FOXJ3: variants seen among roughly 807,000 people sequenced by gnomAD.
FOXJ3 encodes the protein forkhead box protein J3.
In FOXJ3, 22 loss-of-function variants were observed where a neutral mutation model predicts 76.1. That is an observed-to-expected ratio of 0.29 (90% CI 0.21 to 0.41). The LOEUF is 0.41. Ranked by LOEUF, FOXJ3 falls within the 10% of genes least tolerant of loss-of-function variation. The pLI is 1.00. For missense variants in FOXJ3, 613 were observed against 762.1 expected, an observed-to-expected ratio of 0.80 and a Z score of 2.30; for synonymous variants, 269 against 261.2, an observed-to-expected ratio of 1.03 and a Z score of -0.29.
Position 42,231,905 on chromosome 1 carries a change from G to A in FOXJ3, c.445-3939C>T, listed in dbSNP as rs186187866. Among the ~76,000 whole-genome samples the A allele has an allele frequency of 4.0e-3, 604 of 151,936 alleles. 2 individuals are homozygous for A. The highest frequency in any genetic ancestry group is 9.3e-3 in the African/African-American group (385 of 41,286). On this transcript the variant is annotated intron_variant, in intron 4 of 12. Transcript: ENST00000361346. Reference sequence around the variant, plus strand: ...GTTGGTGTGCTGCACCCATTAACTCGTCATTTAACATTAGGTATATCTCCT... The same window carrying A: ...GTTGGTGTGCTGCACCCATTAACTCATCATTTAACATTAGGTATATCTCCT...
intron 6 of FOXJ3, among the ~76,000 whole-genome samples, chr1:42,202,559 T>A (rs576024437): frequency 1.3e-5 from 2 of 152,144 alleles, no homozygotes; most frequent in East Asian, 3.9e-4. Context: ...TGTAAAGCCA[T>A]TTTTTTTCTG....
At chr1:42,254,699 T>C (rs343398) in intron 4 of FOXJ3, among the ~76,000 whole-genome samples, 90,766 of 134,872 alleles carry the variant, frequency 0.67, 30,975 homozygotes, top group Admixed American at 0.77. Context: ...TCATTCTCAG[T>C]AAACTATCGC....
intron 1 of FOXJ3, among the ~76,000 whole-genome samples, chr1:42,333,860 G>A (rs1054370649): frequency 2.6e-5 from 4 of 152,200 alleles, no homozygotes; most frequent in Non-Finnish European, 4.4e-5. Context: ...GCTGCCTTGT[G>A]AGAAAAAGAG....
chr1:42,237,780 C>T (rs989827507), intron 4 of FOXJ3, among the ~76,000 whole-genome samples: 1 of 151,736 alleles, frequency 6.6e-6, no homozygotes, highest in Non-Finnish European at 1.5e-5. Context: ...GTCTCTGGTA[C>T]ACATAGGGTT....
chr1:42,289,189 T>C (rs1305431818), intron 2 of FOXJ3, among the ~76,000 whole-genome samples: 2 of 151,458 alleles, frequency 1.3e-5, no homozygotes, highest in Non-Finnish European at 2.9e-5. Context: ...TAATATAGTA[T>C]ATACAATATT....
chr1:42,300,290 C>T (rs946108967), intron 2 of FOXJ3, among the ~76,000 whole-genome samples: 5 of 152,146 alleles, frequency 3.3e-5, no homozygotes, highest in Non-Finnish European at 7.4e-5. Context: ...TATATAACTG[C>T]TTTATAGACT....
At chr1:42,265,548 CTTATT>C (rs955917753) in intron 3 of FOXJ3, among the ~76,000 whole-genome samples, 2 of 151,948 alleles carry the variant, frequency 1.3e-5, no homozygotes, top group Non-Finnish European at 2.9e-5. Context: ...AATTGTGGTA[CTTATT>C]TTATTTATTT....
intron 1 of FOXJ3, 80 bp downstream of exon 1, chr1:42,334,979 T>A (rs1261433667): frequency 6.6e-6 from 1 of 152,186 alleles, no homozygotes; most frequent in African/African-American, 2.4e-5. Context: ...GGACAGCCCC[T>A]GCCTCCGTCC....
intron 2 of FOXJ3, among the ~76,000 whole-genome samples, chr1:42,296,494 G>C (rs1360300586): frequency 6.6e-6 from 1 of 152,198 alleles, no homozygotes; most frequent in Non-Finnish European, 1.5e-5. Flanking sequence ...TGAGACACAA[G>C]GGTCCAGTTT....
chr1:42,327,703 AGAT>A (rs1277111451), intron 1 of FOXJ3, among the ~76,000 whole-genome samples: 1 of 152,146 alleles, frequency 6.6e-6, no homozygotes, highest in Non-Finnish European at 1.5e-5. Flanking sequence ...TAAAAAAAAA[AGAT>A]GATTCCAATT....
At chr1:42,230,108 T>G (rs1299784071) in intron 4 of FOXJ3, among the ~76,000 whole-genome samples, 1 of 152,208 alleles carries the variant, frequency 6.6e-6, no homozygotes, top group Admixed American at 6.5e-5. Context: ...AGCCTACCTA[T>G]CCACTAGGTA....
chr1:42,325,991 T>A (rs1655806213), intron 1 of FOXJ3, among the ~76,000 whole-genome samples: 1 of 152,242 alleles, frequency 6.6e-6, no homozygotes, highest in African/African-American at 2.4e-5. Flanking sequence ...CTGGGCACTG[T>A]GGCTTACACC....
At chr1:42,245,955 TGAATGTCCATAGGCAGAA>T (rs1270209390) in intron 4 of FOXJ3, among the ~76,000 whole-genome samples, 7 of 152,030 alleles carry the variant, frequency 4.6e-5, no homozygotes, top group Admixed American at 3.3e-4. Context: ...CTAGGAAAAG[TGAATGTCCATAGGCAGAA>T]GAATGCTCCT....
At chr1:42,199,884 A>G (rs896429354) in intron 6 of FOXJ3, among the ~76,000 whole-genome samples, 1 of 151,556 alleles carries the variant, frequency 6.6e-6, no homozygotes, top group African/African-American at 2.4e-5. Flanking sequence ...AAGTATTATA[A>G]TTTTTAATTA....
intron 3 of FOXJ3, among the ~76,000 whole-genome samples, chr1:42,271,522 T>A (rs1017128429): frequency 1.3e-5 from 2 of 152,124 alleles, no homozygotes; most frequent in Non-Finnish European, 2.9e-5. Flanking sequence ...TATTCCTTTT[T>A]TACCCACACA....
At chr1:42,205,939 T>C in intron 5 of FOXJ3, 76 bp from the exon 6 acceptor site, 1 of 792,620 alleles carries the variant, frequency 1.3e-6, no homozygotes, top group Non-Finnish European at 2.1e-6. Flanking sequence ...AGGGATCTCA[T>C]CAAATTCTTG....
chr1:42,222,809 G>A (rs1309467404), intron 5 of FOXJ3, among the ~76,000 whole-genome samples: 4 of 152,188 alleles, frequency 2.6e-5, no homozygotes, highest in Admixed American at 2.0e-4. Context: ...GTTCATTGCT[G>A]TTTCCTCAGG....
At chr1:42,260,889 G>T (rs1650981391) in intron 4 of FOXJ3, among the ~76,000 whole-genome samples, 1 of 152,036 alleles carries the variant, frequency 6.6e-6, no homozygotes, top group South Asian at 2.1e-4. Context: ...AGGATAGTCA[G>T]GTGGCCTTCA....
intron 2 of FOXJ3, among the ~76,000 whole-genome samples, chr1:42,283,640 T>C (rs1236720381): frequency 6.6e-6 from 1 of 152,204 alleles, no homozygotes; most frequent in Non-Finnish European, 1.5e-5. Context: ...TGGCATTTCA[T>C]CTTAAGACCT....
Sources: allele counts gnomAD v4.1 joint callset (sites outside exome capture counted in the v4.1 genomes callset), GRCh38; gene constraint gnomAD v4.1.1; transcripts MANE v1.5; gene names NCBI Gene and HGNC (gene_info 2026-07-23, HGNC 2026-07-21).